Variants in FILIP1L observed in about 807,000 individuals in gnomAD.
FILIP1L encodes the protein filamin A interacting protein 1 like.
In FILIP1L, 55 loss-of-function variants were observed where a neutral mutation model predicts 96.6. The ratio of observed to expected loss-of-function variants is 0.57; its 90% CI spans 0.46 to 0.71. FILIP1L has a LOEUF of 0.71. FILIP1L is among the 30% of genes least tolerant of loss of function. FILIP1L has a pLI of 0.00. For missense variants in FILIP1L, 1,304 were observed against 1,321.2 expected, an observed-to-expected ratio of 0.99 and a Z score of 0.20; for synonymous variants, 467 against 473.9, an observed-to-expected ratio of 0.99 and a Z score of 0.19.
At chr3:100,066,629 TC>T (rs1015447181) in intron 1 of FILIP1L, among the ~76,000 whole-genome samples, 4 of 98,538 alleles carry the variant, frequency 4.1e-5, no homozygotes, top group African/African-American at 1.4e-4. Flanking sequence ...CCTCCCGGGT[TC>T]ACGCCATTCT....
chr3:99,932,189 C>T (rs1707503417), intron 1 of FILIP1L, among the ~76,000 whole-genome samples: 1 of 152,110 alleles, frequency 6.6e-6, no homozygotes, highest in Non-Finnish European at 1.5e-5. Flanking sequence ...TCCTCCCTTC[C>T]CACTCCAGAA....
At chr3:99,992,344 C>G (rs886738897) in intron 1 of FILIP1L, among the ~76,000 whole-genome samples, 1 of 152,000 alleles carries the variant, frequency 6.6e-6, no homozygotes. Flanking sequence ...TGTTTTTTGA[C>G]TCTTTAATAA....
At chr3:99,959,986 G>T (rs1408638655) in intron 1 of FILIP1L, among the ~76,000 whole-genome samples, 3 of 152,104 alleles carry the variant, frequency 2.0e-5, no homozygotes, top group Non-Finnish European at 4.4e-5. Flanking sequence ...TGGGAGTTAG[G>T]CCTAGCTGTT....
At chr3:100,013,574 G>A (rs1348809055) in intron 1 of FILIP1L, among the ~76,000 whole-genome samples, 1 of 152,132 alleles carries the variant, frequency 6.6e-6, no homozygotes, top group African/African-American at 2.4e-5. Flanking sequence ...TAAAAAGTAT[G>A]TAGAGAATGT....
chr3:99,997,269 G>C (rs1220121317), intron 1 of FILIP1L, among the ~76,000 whole-genome samples: 3 of 152,106 alleles, frequency 2.0e-5, no homozygotes, highest in Admixed American at 1.3e-4. Context: ...ATGATAAAAG[G>C]AGGCATTTTT....
chr3:99,997,843 A>G (rs972070683), intron 1 of FILIP1L, among the ~76,000 whole-genome samples: 1 of 152,240 alleles, frequency 6.6e-6, no homozygotes, highest in African/African-American at 2.4e-5. Context: ...CACATAAGTC[A>G]TGCTCTTATT....
chr3:100,029,467 A>G (rs2064985932), intron 1 of FILIP1L, among the ~76,000 whole-genome samples: 3 of 152,202 alleles, frequency 2.0e-5, no homozygotes, highest in Non-Finnish European at 1.5e-5. Context: ...ACCTTTGCCA[A>G]GTTACTATCA....
intron 5 of FILIP1L, among the ~76,000 whole-genome samples, chr3:99,833,426 G>T (rs1204214932): frequency 1.3e-5 from 2 of 152,202 alleles, no homozygotes; most frequent in African/African-American, 2.4e-5. Context: ...AGCAAAAGAA[G>T]TATGGAAAGG....
intron 1 of FILIP1L, among the ~76,000 whole-genome samples, chr3:100,081,547 G>T (rs2065932119): frequency 6.6e-6 from 1 of 152,132 alleles, no homozygotes; most frequent in African/African-American, 2.4e-5. Flanking sequence ...GACTCATGAA[G>T]ATTCTTTGGT....
chr3:100,002,094 T>C (rs958306356), intron 1 of FILIP1L, among the ~76,000 whole-genome samples: 3 of 152,268 alleles, frequency 2.0e-5, no homozygotes, highest in Admixed American at 1.3e-4. Flanking sequence ...CCACTGCAAG[T>C]GGAAAACATG....
chr3:99,922,050 C>A (rs577914204), intron 4 of FILIP1L, among the ~76,000 whole-genome samples: 3 of 152,342 alleles, frequency 2.0e-5, no homozygotes, highest in Middle Eastern at 3.4e-3. Flanking sequence ...TAGCCCTTCA[C>A]ATTCCCACCA....
intron 5 of FILIP1L, among the ~76,000 whole-genome samples, chr3:99,837,333 A>T (rs1366906071): frequency 6.6e-6 from 1 of 152,000 alleles, no homozygotes; most frequent in Non-Finnish European, 1.5e-5. Flanking sequence ...TGGTTTTCTG[A>T]GGCTTCAAAA....
chr3:100,004,893 G>C lies in FILIP1L; in HGVS notation c.-10-73863C>G, dbSNP rs561287767. 2.0e-4 allele frequency among the ~76,000 whole-genome samples: 31 copies of C among 152,302 alleles called. No individual in the cohort carries two copies. In the South Asian group the frequency reaches 3.1e-3, roughly 15 times the overall value. ...AGAGGCAGGAGAATTATTGGTGTCTGTTGGCAAGCAGATTCTCATAGCCTC... is the reference window on the plus strand; with the variant it reads ...AGAGGCAGGAGAATTATTGGTGTCTCTTGGCAAGCAGATTCTCATAGCCTC... On this transcript the variant is annotated intron_variant, in intron 1 of 5. Transcript: ENST00000477258.
chr3:99,849,148 G>A lies in FILIP1L; in HGVS notation c.2528C>T (p.Ser843Phe). 1 of 1,614,172 alleles carries A rather than the reference G, an allele frequency of 6.2e-7. No homozygotes were observed. Among genetic ancestry groups the A allele is most frequent in the Non-Finnish European group, 8.5e-7 (1 of 1,180,022 alleles). The change falls in exon 5 of 6, where the codon TCT becomes TTT. Residue 843 changes from serine (S) to phenylalanine (F), a missense_variant. Ser to Phe is a radical substitution (Grantham distance 155, BLOSUM62 -2). Transcript: ENST00000477258. Reference protein sequence around the residue: ...NQDEDPNDEGSVLSFKCSQST... With the variant: ...NQDEDPNDEGFVLSFKCSQST... ...CTGGCTGCATTTGAAGGACAGCACA[G>A]ATCCCTCATCATTAGGGTCCTCGTC...
rs768817482 is a variant in FILIP1L, at chr3:99,850,483, T to C, written c.1193A>G (p.Asp398Gly). The change falls in exon 5 of 6, where the codon GAT becomes GGT. Residue 398 changes from aspartate (D) to glycine (G), a missense_variant. Physicochemically the swap from Asp to Gly is moderately conservative, Grantham distance 94. Coordinates refer to ENST00000477258, the MANE Select transcript of FILIP1L (RefSeq NM_001387850.1). ...CTCCCTTTCAAGCCTCTTATTGAGA[T>C]CTCTGCACTGCTCCTCCATTTTTAT... ...ELIKMEEQCR[D>G]LNKRLERETL... The C allele has an allele frequency of 1.2e-6, 2 of 1,613,662 alleles. No individual in the cohort carries two copies. Among genetic ancestry groups the C allele is most frequent in the Middle Eastern group, 1.6e-4 (1 of 6,082 alleles).
chr3:99,830,122 C>A lies in FILIP1L; in HGVS notation c.*292G>T, dbSNP rs1254475567. 1 of 193,696 alleles carries A rather than the reference C, an allele frequency of 5.2e-6. No individual in the cohort carries two copies. Among genetic ancestry groups the A allele is most frequent in the East Asian group, 1.2e-4 (1 of 8,254 alleles). The allele number at this position is 193,696 out of a possible 1,614,324, so 12.0% of individuals were successfully genotyped here. The stretch of plus-strand genomic sequence containing the variant: ...CTTGAACTGTTCTAGTGAATTCAGT[C>A]CTATCCCAGGCTGATTCTAGATAGT... On this transcript the variant is annotated 3_prime_UTR_variant, in exon 6 of 6. Coordinates refer to ENST00000477258, the MANE Select transcript of FILIP1L (RefSeq NM_001387850.1).
chr3:99,912,621 A>G (rs1271441099), intron 4 of FILIP1L, among the ~76,000 whole-genome samples: 2 of 152,090 alleles, frequency 1.3e-5, no homozygotes, highest in Non-Finnish European at 2.9e-5. Flanking sequence ...CAAGCAGTCC[A>G]CCTGCCTCAG....
At chr3:99,983,401 T>C (rs1210840400) in intron 1 of FILIP1L, among the ~76,000 whole-genome samples, 1 of 109,184 alleles carries the variant, frequency 9.2e-6, no homozygotes, top group African/African-American at 3.9e-5. Context: ...TATATATATA[T>C]ATATATATAT....
At chr3:100,097,405 C>T (rs1016777992) in intron 1 of FILIP1L, among the ~76,000 whole-genome samples, 4 of 152,186 alleles carry the variant, frequency 2.6e-5, no homozygotes, top group African/African-American at 4.8e-5. Flanking sequence ...TATTTTATAT[C>T]ACTGACTTGA....
Sources: allele counts gnomAD v4.1 joint callset (sites outside exome capture counted in the v4.1 genomes callset), GRCh38; gene constraint gnomAD v4.1.1; transcripts MANE v1.5; gene names NCBI Gene and HGNC (gene_info 2026-07-23, HGNC 2026-07-21).